Variants in LRRC1 observed in about 807,000 individuals in gnomAD.
LRRC1 encodes leucine-rich repeat-containing protein 1.
A neutral mutation model predicts 69.9 loss-of-function variants in LRRC1; 28 were observed. The ratio of observed to expected loss-of-function variants is 0.40; its 90% CI spans 0.30 to 0.55. The LOEUF (loss-of-function observed/expected upper bound fraction) is 0.55. Among genes scored for constraint, LRRC1 ranks in the 20% least tolerant of loss-of-function variants. LRRC1 has a pLI of 0.47. For synonymous variants in LRRC1, 236 were observed against 240.2 expected (o/e 0.98, Z 0.16); for missense variants, 498 against 609.0 (o/e 0.82, Z 1.92).
At chr6:53,839,731 A>G (rs879647896) in intron 1 of LRRC1, among the ~76,000 whole-genome samples, 28 of 152,274 alleles carry the variant, frequency 1.8e-4, no homozygotes, top group South Asian at 1.0e-3. Context: ...AGATATTATA[A>G]TGTTATGACT....
chr6:53,910,823 G>A (rs1453181527), intron 10 of LRRC1, among the ~76,000 whole-genome samples: 5 of 152,182 alleles, frequency 3.3e-5, no homozygotes, highest in African/African-American at 9.7e-5. Flanking sequence ...CCATCATACC[G>A]CATCTCCCTC....
In LRRC1 at chr6:53,891,479, A is replaced by G. The variant is rs573084758; in HGVS notation, c.447-5019A>G. ...AAAAAATCTGGTAAGTGAGGAAAGC[A>G]AAGTGCCAGATATATATGTATAGAA... is the stretch of plus-strand genomic sequence containing the variant. On this transcript the variant is annotated intron_variant, in intron 4 of 13. Coordinates refer to ENST00000370888, the MANE Select transcript of LRRC1 (RefSeq NM_018214.5). Among the ~76,000 whole-genome samples, 3 of 152,146 alleles carry G rather than the reference A, an allele frequency of 2.0e-5. No individual in the cohort carries two copies. The East Asian group carries it at 5.8e-4, about 29-fold the overall frequency.
intron 2 of LRRC1, among the ~76,000 whole-genome samples, chr6:53,873,583 G>A (rs918971625): frequency 1.3e-5 from 2 of 152,064 alleles, no homozygotes; most frequent in African/African-American, 4.8e-5. Flanking sequence ...ACAGGCGCGA[G>A]CCACCATGCC....
Position 53,839,212 on chromosome 6 carries a change from A to G in LRRC1, c.160-2898A>G, listed in dbSNP as rs968711484. 5.9e-5 allele frequency among the ~76,000 whole-genome samples: 9 copies of G among 152,256 alleles called. No homozygotes were observed. The South Asian group carries it at 1.7e-3, about 28-fold the overall frequency. On this transcript the variant is annotated intron_variant, in intron 1 of 13. Transcript: ENST00000370888. ...GTGCATTATTTTCAGTTATGAGGAC[A>G]GGTGTCCAGAAGTATTTCAGTGGAC...
At chr6:53,897,468 A>G in intron 7 of LRRC1, 109 bp downstream of exon 7, 1 of 732,808 alleles carries the variant, frequency 1.4e-6, no homozygotes, top group South Asian at 1.8e-5. Context: ...TTGAAAACCA[A>G]AAACATTGAT....
At chr6:53,807,317 C>T (rs1764661250) in intron 1 of LRRC1, among the ~76,000 whole-genome samples, 1 of 152,190 alleles carries the variant, frequency 6.6e-6, no homozygotes. Flanking sequence ...TTGTTGAGTG[C>T]TGGCTGTGCT....
intron 7 of LRRC1, among the ~76,000 whole-genome samples, chr6:53,898,417 G>A (rs866954564): frequency 1.6e-4 from 25 of 152,160 alleles, no homozygotes; most frequent in African/African-American, 5.8e-4. Flanking sequence ...TATCAGGAAA[G>A]TAATAAAATA....
intron 2 of LRRC1, among the ~76,000 whole-genome samples, chr6:53,854,945 G>A (rs1354430609): frequency 2.0e-5 from 3 of 152,208 alleles, no homozygotes; most frequent in Non-Finnish European, 4.4e-5. Context: ...ACATCAACAG[G>A]AAGCTATTAG....
At chr6:53,804,709 A>C (rs1032155759) in intron 1 of LRRC1, among the ~76,000 whole-genome samples, 2 of 152,254 alleles carry the variant, frequency 1.3e-5, no homozygotes, top group African/African-American at 4.8e-5. Context: ...GCTGAATTAA[A>C]AGTTCTTGTA....
intron 3 of LRRC1, among the ~76,000 whole-genome samples, chr6:53,879,664 A>G (rs1767208512): frequency 6.6e-6 from 1 of 151,896 alleles, no homozygotes; most frequent in African/African-American, 2.4e-5. Flanking sequence ...ACCCATATCA[A>G]CATCACTATT....
At chr6:53,892,053 CATAAAA>C (rs1328941531) in intron 4 of LRRC1, among the ~76,000 whole-genome samples, 2 of 148,676 alleles carry the variant, frequency 1.3e-5, no homozygotes, top group African/African-American at 5.0e-5. Context: ...CACACATACA[CATAAAA>C]ATAAATATGT....
chr6:53,808,736 G>C (rs951554816), intron 1 of LRRC1, among the ~76,000 whole-genome samples: 1 of 152,036 alleles, frequency 6.6e-6, no homozygotes, highest in Non-Finnish European at 1.5e-5. Context: ...AGACAGTGTT[G>C]TCTGCACCAA....
intron 1 of LRRC1, among the ~76,000 whole-genome samples, chr6:53,796,948 A>C (rs995000897): frequency 5.3e-5 from 8 of 152,192 alleles, no homozygotes; most frequent in African/African-American, 1.9e-4. Flanking sequence ...GTAATTTAAT[A>C]GTTTTCAGGG....
At chr6:53,849,061 C>CTTTTTTTT (rs569737865) in intron 2 of LRRC1, among the ~76,000 whole-genome samples, 5 of 130,652 alleles carry the variant, frequency 3.8e-5, no homozygotes, top group African/African-American at 5.8e-5. Context: ...CCGGCCTATG[C>CTTTTTTTT]TTTTTTTTTT....
intron 2 of LRRC1, among the ~76,000 whole-genome samples, chr6:53,864,130 T>C (rs1766618164): frequency 6.6e-6 from 1 of 152,122 alleles, no homozygotes. Context: ...ACGTCTGTCT[T>C]ACCTGTTGTG....
chr6:53,899,558 T>C (rs934163096), intron 7 of LRRC1, among the ~76,000 whole-genome samples, 189 bp from the exon 8 acceptor site: 1 of 152,188 alleles, frequency 6.6e-6, no homozygotes, highest in Non-Finnish European at 1.5e-5. Context: ...GGGTCTGTGA[T>C]TCATTCAACT....
chr6:53,911,058 A>G (rs910754355), intron 10 of LRRC1, among the ~76,000 whole-genome samples: 75 of 152,234 alleles, frequency 4.9e-4, no homozygotes, highest in Admixed American at 4.8e-3. Context: ...TTCATAAACC[A>G]TAGACAATAG....
At chr6:53,891,573 C>T (rs958222294) in intron 4 of LRRC1, among the ~76,000 whole-genome samples, 1 of 151,302 alleles carries the variant, frequency 6.6e-6, no homozygotes, top group Non-Finnish European at 1.5e-5. Context: ...TAAAGAAAGC[C>T]CTGCATGAAT....
intron 3 of LRRC1, among the ~76,000 whole-genome samples, chr6:53,880,099 C>G (rs1389100825): frequency 1.3e-5 from 2 of 152,204 alleles, no homozygotes; most frequent in African/African-American, 4.8e-5. Flanking sequence ...ATCTCACCCA[C>G]TTCAAAATTT....
Sources: allele counts gnomAD v4.1 joint callset (sites outside exome capture counted in the v4.1 genomes callset), GRCh38; gene constraint gnomAD v4.1.1; transcripts MANE v1.5; gene names NCBI Gene and HGNC (gene_info 2026-07-23, HGNC 2026-07-21).